KHDRBS2: variants seen among roughly 807,000 people sequenced by gnomAD.
KHDRBS2 encodes KH domain-containing, RNA-binding, signal transduction-associated protein 2.
KHDRBS2 carries 26 observed loss-of-function variants against 44.3 expected under a neutral mutation model. The ratio of observed to expected loss-of-function variants is 0.59; its 90% CI spans 0.43 to 0.81. The LOEUF (loss-of-function observed/expected upper bound fraction) is 0.81, where lower values mean the gene tolerates loss of function less well. Among genes scored for constraint, KHDRBS2 ranks in the 40% least tolerant of loss-of-function variants. The pLI, the probability that KHDRBS2 is intolerant of heterozygous loss-of-function variation, is 0.00. For missense variants in KHDRBS2, 476 were observed against 433.1 expected (o/e 1.10, Z -0.88); for synonymous variants, 194 against 151.1 (o/e 1.28, Z -2.08).
At chr6:61,744,363 G>A (rs1410351817) in intron 6 of KHDRBS2, among the ~76,000 whole-genome samples, 2 of 152,108 alleles carry the variant, frequency 1.3e-5, no homozygotes, top group African/African-American at 2.4e-5. Flanking sequence ...CTCATGGAAT[G>A]TAAAGTAAGT....
At chr6:61,915,554 C>T (rs1806839182) in intron 4 of KHDRBS2, among the ~76,000 whole-genome samples, 2 of 151,820 alleles carry the variant, frequency 1.3e-5, no homozygotes, top group South Asian at 4.2e-4. Flanking sequence ...GGAAATGTGG[C>T]CGAATGCCTA....
intron 1 of KHDRBS2, among the ~76,000 whole-genome samples, chr6:62,266,736 T>C (rs1297266467): frequency 6.6e-6 from 1 of 151,966 alleles, no homozygotes; most frequent in Non-Finnish European, 1.5e-5. Context: ...CTGAGATACA[T>C]ATTTACCCTA....
chr6:61,816,274 AT>A (rs1316725003), intron 6 of KHDRBS2, among the ~76,000 whole-genome samples: 1 of 152,122 alleles, frequency 6.6e-6, no homozygotes, highest in African/African-American at 2.4e-5. Flanking sequence ...ATATAGTCAA[AT>A]TTGGAGGCAG....
chr6:61,785,952 G>A (rs940952344), intron 6 of KHDRBS2, among the ~76,000 whole-genome samples: 1 of 151,830 alleles, frequency 6.6e-6, no homozygotes, highest in African/African-American at 2.4e-5. Flanking sequence ...ACATATATCT[G>A]TTTTTCTGCT....
At chr6:62,060,317 T>C (rs1791462932) in intron 2 of KHDRBS2, among the ~76,000 whole-genome samples, 1 of 151,740 alleles carries the variant, frequency 6.6e-6, no homozygotes, top group Non-Finnish European at 1.5e-5. Flanking sequence ...TAGGCTGTGG[T>C]ATGATTAACA....
chr6:62,025,654 T>G (rs1783172732), intron 3 of KHDRBS2, among the ~76,000 whole-genome samples: 1 of 152,002 alleles, frequency 6.6e-6, no homozygotes, highest in Non-Finnish European at 1.5e-5. Context: ...CTTTTTTTGG[T>G]AGTATCAGGG....
intron 2 of KHDRBS2, among the ~76,000 whole-genome samples, chr6:62,119,138 A>G (rs1305400572): frequency 3.3e-5 from 5 of 152,102 alleles, no homozygotes; most frequent in Admixed American, 6.5e-5. Context: ...ATATGATTGG[A>G]CCCCAAAATG....
At chr6:62,058,014 T>TATTAA (rs1201727180) in intron 2 of KHDRBS2, among the ~76,000 whole-genome samples, 1 of 151,992 alleles carries the variant, frequency 6.6e-6, no homozygotes, top group Non-Finnish European at 1.5e-5. Context: ...ATATTGGGCA[T>TATTAA]ATATATTTTT....
intron 2 of KHDRBS2, among the ~76,000 whole-genome samples, chr6:62,054,950 T>C (rs1000307697): frequency 6.6e-6 from 1 of 152,030 alleles, no homozygotes; most frequent in Non-Finnish European, 1.5e-5. Context: ...AGGCTATCCA[T>C]AGTAAGAGAA....
At chr6:61,946,687 G>A (rs1469450826) in intron 4 of KHDRBS2, among the ~76,000 whole-genome samples, 2 of 152,162 alleles carry the variant, frequency 1.3e-5, no homozygotes, top group African/African-American at 4.8e-5. Flanking sequence ...TGGTACTGAG[G>A]AGATGAGGGT....
At chr6:61,904,578 C>T (rs904490257) in intron 4 of KHDRBS2, among the ~76,000 whole-genome samples, 24 of 152,126 alleles carry the variant, frequency 1.6e-4, no homozygotes, top group Non-Finnish European at 2.8e-4. Flanking sequence ...GGCTATGCTA[C>T]CCAAAAGCTT....
At chr6:61,728,053 A>G (rs960121268) in intron 7 of KHDRBS2, among the ~76,000 whole-genome samples, 1 of 152,098 alleles carries the variant, frequency 6.6e-6, no homozygotes, top group Non-Finnish European at 1.5e-5. Context: ...ACCCAACATG[A>G]TAGACTGGAT....
At chr6:61,850,356 T>C (rs1175036144) in intron 6 of KHDRBS2, among the ~76,000 whole-genome samples, 2 of 152,102 alleles carry the variant, frequency 1.3e-5, no homozygotes, top group Non-Finnish European at 2.9e-5. Context: ...TAATTGTAGA[T>C]GCCTAGTGCT....
Position 62,242,924 on chromosome 6 carries a change from A to AT in KHDRBS2, c.91+42933dup, listed in dbSNP as rs780840024. Among the ~76,000 whole-genome samples, 21 of 152,276 alleles carry AT rather than the reference A, an allele frequency of 1.4e-4. No individual in the cohort carries two copies. The South Asian group carries it at 1.5e-3, about 11-fold the overall frequency. On this transcript the variant is annotated intron_variant, in intron 1 of 8. Coordinates refer to ENST00000281156, the MANE Select transcript of KHDRBS2 (RefSeq NM_152688.4). ...ATATACTTTGTCAGGTGCCACAACC[A>AT]TAACACTCACAGAATGACAAAAGGT...
chr6:61,924,760 CTTCA>C (rs1057223044), intron 4 of KHDRBS2, among the ~76,000 whole-genome samples: 11 of 151,558 alleles, frequency 7.3e-5, no homozygotes, highest in Admixed American at 3.3e-4. Context: ...TTATTTTAAA[CTTCA>C]TTCAATTTAG....
At chr6:62,257,457 T>C (rs779147288) in intron 1 of KHDRBS2, among the ~76,000 whole-genome samples, 1 of 152,134 alleles carries the variant, frequency 6.6e-6, no homozygotes, top group African/African-American at 2.4e-5. Flanking sequence ...TTATTCTTTA[T>C]AGCTGCATGA....
At chr6:61,580,235 G>C in the KHDRBS2 span, among the ~76,000 whole-genome samples, 6 of 152,274 alleles carry the variant, frequency 3.9e-5, no homozygotes, top group South Asian at 1.2e-3. Flanking sequence ...GGTGAAGCCA[G>C]CTGGGCTTCT....
intron 2 of KHDRBS2, among the ~76,000 whole-genome samples, chr6:62,162,414 G>A (rs1215321728): frequency 1.3e-5 from 2 of 151,988 alleles, no homozygotes; most frequent in Non-Finnish European, 2.9e-5. Flanking sequence ...ACTGCCTTCT[G>A]GTCTCTATAG....
At chr6:61,973,847 A>T (rs1160273683) in intron 4 of KHDRBS2, among the ~76,000 whole-genome samples, 2 of 152,206 alleles carry the variant, frequency 1.3e-5, no homozygotes, top group African/African-American at 4.8e-5. Context: ...TGTGTTGGGA[A>T]GATTCTGGGC....
Sources: allele counts gnomAD v4.1 joint callset (sites outside exome capture counted in the v4.1 genomes callset), GRCh38; gene constraint gnomAD v4.1.1; transcripts MANE v1.5; gene names NCBI Gene and HGNC (gene_info 2026-07-23, HGNC 2026-07-21).